ZNF536: variants seen among roughly 807,000 people sequenced by gnomAD.
ZNF536 encodes zinc finger protein 536.
Under a neutral mutation model 84.5 loss-of-function variants are expected in ZNF536, and 13 were observed. The observed-to-expected ratio is 0.15, with a 90% confidence interval of 0.10 to 0.24. ZNF536 has a LOEUF of 0.24. ZNF536 is among the 10% of genes least tolerant of loss of function. ZNF536 has a pLI of 1.00. For missense variants in ZNF536, 1,536 were observed against 1,747.5 expected (o/e 0.88, Z 2.16); for synonymous variants, 811 against 742.5 (o/e 1.09, Z -1.50).
In ZNF536 at chr19:30,343,262, T is replaced by C. The variant is rs577630911; in HGVS notation, c.-119-9106T>C. On this transcript the variant is annotated intron_variant, in intron 2 of 5. Transcript: ENST00000585628. ...TATAAACAGTGTCGGCTTCATACCC[T>C]CATTTTGTGCCAGAGACTCAACATT... is the stretch of plus-strand genomic sequence containing the variant. 4.6e-5 allele frequency among the ~76,000 whole-genome samples: 7 copies of C among 152,334 alleles called. No homozygotes were observed. In the South Asian group the frequency reaches 1.5e-3, roughly 32 times the overall value.
At chr19:30,314,477 T>C (rs2046613632) in intron 2 of ZNF536, among the ~76,000 whole-genome samples, 1 of 152,090 alleles carries the variant, frequency 6.6e-6, no homozygotes, top group Non-Finnish European at 1.5e-5. Flanking sequence ...AGGTCTCAGC[T>C]CTGCTGTCCT....
intron 3 of ZNF536, among the ~76,000 whole-genome samples, chr19:30,360,939 A>G (rs1280439539): frequency 1.3e-5 from 2 of 152,302 alleles, no homozygotes; most frequent in East Asian, 3.9e-4. Context: ...TGTCCTTTAT[A>G]TGCATGACCA....
rs769633246 is a variant in ZNF536, at chr19:30,549,201, G to C, written c.3582G>C (p.Leu1194=). 6.2e-7 allele frequency: 1 copy of C among 1,613,942 alleles called. No individual in the cohort carries two copies. The highest frequency in any genetic ancestry group is 1.3e-5 in the African/African-American group (1 of 74,944). The part of the protein sequence containing the change: ...ETEPEMMTKP[L]SALSKDSSSD... ...AACCGGAAATGATGACCAAGCCACT[G>C]TCTGCCCTCAGCAAAGACAGCAGCA... The change falls in exon 4 of 5, where the codon CTG becomes CTC. Residue 1194 remains leucine (L), a synonymous_variant. Coordinates refer to ENST00000355537, the MANE Select transcript of ZNF536 (RefSeq NM_014717.3).
At chr19:30,395,966 C>A (rs2147410353) in intron 1 of ZNF536, among the ~76,000 whole-genome samples, 1 of 152,288 alleles carries the variant, frequency 6.6e-6, no homozygotes, top group South Asian at 2.1e-4. Context: ...CACTGATGAA[C>A]TACATTGACA....
At chr19:30,282,639 A>G (rs906761111) in intron 1 of ZNF536, among the ~76,000 whole-genome samples, 1 of 152,218 alleles carries the variant, frequency 6.6e-6, no homozygotes, top group African/African-American at 2.4e-5. Context: ...AGGAGGTCGT[A>G]GAGCAAAGCA....
At chr19:30,261,223 G>A (rs1490827997) in intron 1 of ZNF536, among the ~76,000 whole-genome samples, 6 of 146,570 alleles carry the variant, frequency 4.1e-5, no homozygotes, top group African/African-American at 1.3e-4. Context: ...GCGTGAACCC[G>A]GGAGGCGGAG....
At position 30,585,100 on chromosome 19, in the gene ZNF536, A is replaced by G. The variant is rs1054798220; in HGVS notation, c.169+35586A>G. Reference sequence around the variant, plus strand: ...GTGCCACTGCACTCCAGCCTGGGCAACAGAACTTGCCACTCAAAAAAAAAA... The same window carrying G: ...GTGCCACTGCACTCCAGCCTGGGCAGCAGAACTTGCCACTCAAAAAAAAAA... On this transcript the variant is annotated intron_variant, in intron 1 of 1. Coordinates refer to the ZNF536 transcript ENST00000592773. Among the ~76,000 whole-genome samples, 11 of 151,998 alleles carry G rather than the reference A, an allele frequency of 7.2e-5. No homozygotes were observed. In the East Asian group the frequency reaches 1.8e-3, roughly 24 times the overall value.
intron 1 of ZNF536, among the ~76,000 whole-genome samples, chr19:30,254,135 G>GT (rs1248523988): frequency 6.6e-6 from 1 of 152,122 alleles, no homozygotes. Flanking sequence ...TAAATACTTA[G>GT]TGAAAAGAAA....
intron 1 of ZNF536, among the ~76,000 whole-genome samples, chr19:30,280,593 G>A (rs1375382302): frequency 1.3e-5 from 2 of 152,232 alleles, no homozygotes; most frequent in African/African-American, 2.4e-5. Flanking sequence ...GTGGAGACAG[G>A]TGTGCACTGC....
chr19:30,379,045 G>T (rs2048920334), intron 1 of ZNF536, among the ~76,000 whole-genome samples: 1 of 152,210 alleles, frequency 6.6e-6, no homozygotes, highest in Admixed American at 6.5e-5. Context: ...AAGATGGGCA[G>T]TTGGAAATAA....
intron 1 of ZNF536, among the ~76,000 whole-genome samples, chr19:30,670,181 T>C (rs1263894298): frequency 1.3e-5 from 2 of 152,190 alleles, no homozygotes; most frequent in East Asian, 3.9e-4. Flanking sequence ...AACGAATTCC[T>C]GAGGCTCCTC....
At chr19:30,547,871 T>A (rs2146169138) in intron 3 of ZNF536, 72 bp from the exon 4 acceptor site, 1 of 1,480,556 alleles carries the variant, frequency 6.8e-7, no homozygotes. Flanking sequence ...CAAATGTTGA[T>A]CCTTCCAGCC....
chr19:30,302,258 G>T (rs1338796709), intron 2 of ZNF536, among the ~76,000 whole-genome samples: 1 of 152,158 alleles, frequency 6.6e-6, no homozygotes, highest in Non-Finnish European at 1.5e-5. Flanking sequence ...GAGATGGGAG[G>T]CTCTGTCCGT....
intron 1 of ZNF536, among the ~76,000 whole-genome samples, chr19:30,388,391 A>G (rs772004218): frequency 6.6e-6 from 1 of 152,170 alleles, no homozygotes; most frequent in Non-Finnish European, 1.5e-5. Context: ...CACCCTCCAG[A>G]AGCCTTAATG....
chr19:30,341,810 C>T (rs2047574095), intron 2 of ZNF536, among the ~76,000 whole-genome samples: 1 of 151,988 alleles, frequency 6.6e-6, no homozygotes, highest in East Asian at 1.9e-4. Context: ...TGTGTGTGGG[C>T]CACAAATGTG....
At chr19:30,630,245 A>T (rs2048840542) in intron 1 of ZNF536, among the ~76,000 whole-genome samples, 1 of 152,216 alleles carries the variant, frequency 6.6e-6, no homozygotes, top group African/African-American at 2.4e-5. Flanking sequence ...AACAATATTG[A>T]CTGAGCAACT....
chr19:30,630,006 C>T (rs1216921595), intron 1 of ZNF536, among the ~76,000 whole-genome samples: 1 of 152,230 alleles, frequency 6.6e-6, no homozygotes, highest in East Asian at 1.9e-4. Flanking sequence ...GGGCATTGGG[C>T]ACAGCTCAGC....
intron 1 of ZNF536, among the ~76,000 whole-genome samples, chr19:30,653,203 G>C (rs1435166653): frequency 6.6e-6 from 1 of 152,188 alleles, no homozygotes; most frequent in Non-Finnish European, 1.5e-5. Context: ...ATCTTGCTAT[G>C]ATGCAGATTC....
At chr19:30,291,253 G>A (rs1314286383) in intron 2 of ZNF536, among the ~76,000 whole-genome samples, 1 of 152,166 alleles carries the variant, frequency 6.6e-6, no homozygotes, top group Non-Finnish European at 1.5e-5. Context: ...GATCCTTGAG[G>A]AATTACCACA....
Sources: gnomAD v4.1 joint callset for allele counts (sites outside exome capture counted in the v4.1 genomes callset) on GRCh38, gnomAD v4.1.1 for gene constraint, MANE v1.5 for transcripts, NCBI Gene and HGNC (gene_info 2026-07-23, HGNC 2026-07-21) for gene names.